The following PRKCA variants were observed in gnomAD, a reference collection of about 807,000 sequenced individuals.
PRKCA encodes protein kinase C alpha.
In PRKCA, 27 loss-of-function variants were observed where a neutral mutation model predicts 87.0. That is an observed-to-expected ratio of 0.31 (90% CI 0.23 to 0.43). PRKCA has a LOEUF of 0.43. PRKCA is among the 20% of genes least tolerant of loss of function. The probability of loss-of-function intolerance (pLI) is 1.00; values close to 1 mark genes in which losing one functional copy is unlikely to be tolerated. For synonymous variants in PRKCA, 329 were observed against 311.1 expected (o/e 1.06, Z -0.61); for missense variants, 518 against 852.3 (o/e 0.61, Z 4.88).
intron 13 of PRKCA, among the ~76,000 whole-genome samples, chr17:66,744,465 A>C (rs1016741698): frequency 1.3e-5 from 2 of 152,196 alleles, no homozygotes; most frequent in Non-Finnish European, 2.9e-5. Flanking sequence ...TTTTAGGAAT[A>C]AAGGTGGCAT....
At chr17:66,437,183 G>A (rs1474854971) in intron 2 of PRKCA, among the ~76,000 whole-genome samples, 2 of 152,196 alleles carry the variant, frequency 1.3e-5, no homozygotes, top group Non-Finnish European at 2.9e-5. Context: ...TTGGCAGCAT[G>A]GGGAACACAG....
At chr17:66,529,783 T>C (rs1967477628) in intron 3 of PRKCA, among the ~76,000 whole-genome samples, 1 of 152,204 alleles carries the variant, frequency 6.6e-6, no homozygotes. Flanking sequence ...AGTCCCTGAG[T>C]ACTGTGGCTC....
chr17:66,396,175 T>C (rs1022519183), intron 2 of PRKCA, among the ~76,000 whole-genome samples: 1 of 152,194 alleles, frequency 6.6e-6, no homozygotes, highest in Non-Finnish European at 1.5e-5. Context: ...ACTTGTTGAA[T>C]GAAATTAGAA....
At chr17:66,653,708 C>A (rs72845986) in intron 5 of PRKCA, among the ~76,000 whole-genome samples, 45 of 151,050 alleles carry the variant, frequency 3.0e-4, no homozygotes, top group Non-Finnish European at 4.9e-4. Flanking sequence ...CTCCCCTCCC[C>A]TTGGATACCA....
chr17:66,394,503 A>T (rs1312157977), intron 2 of PRKCA, among the ~76,000 whole-genome samples: 1 of 152,236 alleles, frequency 6.6e-6, no homozygotes, highest in Non-Finnish European at 1.5e-5. Flanking sequence ...GACATCGGGC[A>T]CACCTGCTGG....
intron 8 of PRKCA, among the ~76,000 whole-genome samples, chr17:66,728,548 A>C (rs530454422): frequency 6.6e-6 from 1 of 152,382 alleles, no homozygotes; most frequent in Non-Finnish European, 1.5e-5. Context: ...CATATTGCAA[A>C]TAAGTTCAGA....
intron 3 of PRKCA, among the ~76,000 whole-genome samples, chr17:66,572,099 C>T (rs1332007226): frequency 6.6e-6 from 1 of 152,150 alleles, no homozygotes; most frequent in Non-Finnish European, 1.5e-5. Context: ...GTGCGTAATA[C>T]CTCTAGATGC....
At chr17:66,400,642 T>A (rs770668742) in intron 2 of PRKCA, among the ~76,000 whole-genome samples, 2 of 152,192 alleles carry the variant, frequency 1.3e-5, no homozygotes, top group African/African-American at 2.4e-5. Flanking sequence ...ATAGCCAGAA[T>A]TGAGATTGCT....
At chr17:66,623,193 G>T (rs1970741292) in intron 3 of PRKCA, among the ~76,000 whole-genome samples, 1 of 152,226 alleles carries the variant, frequency 6.6e-6, no homozygotes, top group Admixed American at 6.5e-5. Flanking sequence ...GTAATCAGAT[G>T]AAAGGTCTAG....
At chr17:66,400,287 G>A (rs1248128500) in intron 2 of PRKCA, among the ~76,000 whole-genome samples, 1 of 152,176 alleles carries the variant, frequency 6.6e-6, no homozygotes, top group Non-Finnish European at 1.5e-5. Flanking sequence ...GAGTAGCTGG[G>A]ACTACAGGTG....
At position 66,806,364 on chromosome 17, in the gene PRKCA, C is replaced by A. The variant is rs1453349854; in HGVS notation, c.*2327C>A. 6.6e-6 allele frequency: 1 copy of A among 152,312 alleles called. No homozygotes were observed. Among genetic ancestry groups the A allele is most frequent in the Non-Finnish European group, 1.5e-5 (1 of 68,086 alleles). The allele number at this position is 152,312 out of a possible 1,614,324, so 9.4% of individuals were successfully genotyped here. A position where few individuals can be genotyped will look rare whatever the true frequency, so the allele number is the denominator to read the frequency against. ...GGGCCCGGCCAGAAAAGAACCATTT[C>A]TTCTGCCATCTTTTATGCACCATAG... On this transcript the variant is annotated 3_prime_UTR_variant, in exon 17 of 17. Coordinates refer to ENST00000413366, the MANE Select transcript of PRKCA (RefSeq NM_002737.3).
intron 8 of PRKCA, among the ~76,000 whole-genome samples, chr17:66,729,965 A>AT (rs1004259773): frequency 3.3e-5 from 5 of 151,492 alleles, no homozygotes; most frequent in African/African-American, 4.9e-5. Context: ...TAATTTTTGT[A>AT]TTTTTTTAGT....
intron 3 of PRKCA, among the ~76,000 whole-genome samples, chr17:66,608,346 A>G (rs190538370): frequency 1.2e-4 from 18 of 152,284 alleles, no homozygotes; most frequent in African/African-American, 3.8e-4. Flanking sequence ...AAAATCAGGA[A>G]AACTTGGGGT....
At chr17:66,336,955 A>AT (rs1334944090) in intron 2 of PRKCA, among the ~76,000 whole-genome samples, 2 of 151,616 alleles carry the variant, frequency 1.3e-5, no homozygotes, top group Non-Finnish European at 2.9e-5. Flanking sequence ...CGTCCAGCTA[A>AT]TTTTTTTGTA....
At chr17:66,683,780 A>G (rs981146321) in intron 5 of PRKCA, among the ~76,000 whole-genome samples, 17 of 152,026 alleles carry the variant, frequency 1.1e-4, no homozygotes, top group Admixed American at 5.2e-4. Context: ...TTGTATTTTT[A>G]GTAGAAATGG....
At chr17:66,787,318 C>CCATT (rs762741377) in intron 15 of PRKCA, 13 of 404,176 alleles carry the variant, frequency 3.2e-5, no homozygotes, top group Non-Finnish European at 5.5e-5. Context: ...GTTTCCTTAT[C>CCATT]CATTCTACTG....
chr17:66,409,957 C>T (rs1395894223), intron 2 of PRKCA, among the ~76,000 whole-genome samples: 1 of 152,166 alleles, frequency 6.6e-6, no homozygotes, highest in Non-Finnish European at 1.5e-5. Context: ...AAATCAGACT[C>T]AGTTAGTAGA....
intron 5 of PRKCA, among the ~76,000 whole-genome samples, chr17:66,663,520 C>T (rs986471880): frequency 6.6e-6 from 1 of 152,168 alleles, no homozygotes; most frequent in Non-Finnish European, 1.5e-5. Flanking sequence ...CCGCTGCCCT[C>T]GCTAGTTCCT....
intron 3 of PRKCA, among the ~76,000 whole-genome samples, chr17:66,576,989 C>A (rs1431353700): frequency 6.6e-6 from 1 of 151,888 alleles, no homozygotes; most frequent in Non-Finnish European, 1.5e-5. Context: ...ATCCTCCCAC[C>A]CCAGCCTCCC....
Sources: allele counts gnomAD v4.1 joint callset (sites outside exome capture counted in the v4.1 genomes callset), GRCh38; gene constraint gnomAD v4.1.1; transcripts MANE v1.5; gene names NCBI Gene and HGNC (gene_info 2026-07-23, HGNC 2026-07-21).